TRDN: variants seen among roughly 807,000 people sequenced by gnomAD.
TRDN encodes triadin in skeletal muscle.
In TRDN, 161 loss-of-function variants were observed where a neutral mutation model predicts 149.7. That is an observed-to-expected ratio of 1.08 (90% CI 0.95 to 1.23). The LOEUF (loss-of-function observed/expected upper bound fraction) is 1.23. Among genes scored for constraint, TRDN ranks in the 50% most tolerant of loss-of-function variants. The probability of loss-of-function intolerance (pLI) is 0.00; values close to 1 mark genes in which losing one functional copy is unlikely to be tolerated. For synonymous variants in TRDN, 294 were observed against 250.5 expected, an observed-to-expected ratio of 1.17 and a Z score of -1.64; for missense variants, 896 against 823.5, an observed-to-expected ratio of 1.09 and a Z score of -1.08.
In TRDN at chr6:123,547,372, C is replaced by G; in HGVS notation, c.392G>C (p.Gly131Ala). 1 of 1,442,640 alleles carries G rather than the reference C, an allele frequency of 6.9e-7. No individual in the cohort carries two copies. 89.4% of individuals were successfully genotyped at this position (1,442,640 alleles called of 1,614,324 possible). The change falls in exon 4 of 41, where the codon GGA becomes GCA. Residue 131 changes from glycine (G) to alanine (A), a missense_variant and splice_region_variant. Physicochemically the swap from Gly to Ala is moderately conservative, Grantham distance 60. Coordinates refer to ENST00000334268, the MANE Select transcript of TRDN (RefSeq NM_006073.4). Reference sequence around the variant, plus strand: ...TCTCAAGGGAGGCTCATCTATTTCTCCTAGACCAAGATTAAAAGAAAAACA... The same window carrying G: ...TCTCAAGGGAGGCTCATCTATTTCTGCTAGACCAAGATTAAAAGAAAAACA... ...DDDGDEDTDKGEIDEPPLRKK... is the reference protein window; with the variant it reads ...DDDGDEDTDKAEIDEPPLRKK...
intron 1 of TRDN, among the ~76,000 whole-genome samples, chr6:123,601,835 A>G (rs1033280201): frequency 1.1e-4 from 16 of 152,282 alleles, no homozygotes; most frequent in African/African-American, 3.6e-4. Context: ...TTGTTACACA[A>G]TTCACATACA....
At chr6:123,490,274 T>C (rs138262605) in intron 9 of TRDN, among the ~76,000 whole-genome samples, 6 of 152,312 alleles carry the variant, frequency 3.9e-5, no homozygotes, top group Non-Finnish European at 8.8e-5. Context: ...TGAATAATGC[T>C]GAATTCTATG....
In TRDN at chr6:123,271,212, A is replaced by G. The variant is rs762749727; in HGVS notation, c.1673-26T>C. On this transcript the variant is annotated intron_variant, in intron 29 of 40. Transcript: ENST00000334268. The stretch of plus-strand genomic sequence containing the variant: ...CTGTGATAGGAAAAAATGTTAACAC[A>G]AGTAGGAAATTTGAATACATCAGTG... 20 of 1,494,784 alleles carry G rather than the reference A, an allele frequency of 1.3e-5. No homozygotes were observed. The East Asian group carries it at 4.7e-4, about 35-fold the overall frequency. The allele number at this position is 1,494,784 out of a possible 1,614,324, so 92.6% of individuals were successfully genotyped here.
intron 10 of TRDN, among the ~76,000 whole-genome samples, chr6:123,450,157 A>G (rs533018138): frequency 1.3e-5 from 2 of 152,296 alleles, no homozygotes; most frequent in Admixed American, 1.3e-4. Flanking sequence ...ACAAAAATAG[A>G]AGTTGAAAAG....
intron 21 of TRDN, among the ~76,000 whole-genome samples, chr6:123,341,148 T>G (rs1011411654): frequency 6.6e-6 from 1 of 151,916 alleles, no homozygotes; most frequent in Non-Finnish European, 1.5e-5. Flanking sequence ...TAAAATATTG[T>G]GTTTACAATT....
At chr6:123,244,180 C>T (rs1776092347) in intron 38 of TRDN, among the ~76,000 whole-genome samples, 1 of 151,886 alleles carries the variant, frequency 6.6e-6, no homozygotes, top group Non-Finnish European at 1.5e-5. Context: ...AACTAGAATG[C>T]CTCTTCTCCT....
chr6:123,281,281 T>C (rs1777576540), intron 24 of TRDN, among the ~76,000 whole-genome samples: 2 of 152,070 alleles, frequency 1.3e-5, no homozygotes, highest in South Asian at 4.1e-4. Context: ...CTTTTGTTAA[T>C]GTAAATAACC....
chr6:123,498,112 A>G (rs1240778656), intron 8 of TRDN: 2 of 163,248 alleles, frequency 1.2e-5, no homozygotes, highest in Non-Finnish European at 2.7e-5. Context: ...GCTTTAAAGC[A>G]TACATATTAT....
intron 1 of TRDN, among the ~76,000 whole-genome samples, chr6:123,609,933 G>A (rs1183411211): frequency 1.3e-5 from 2 of 152,098 alleles, no homozygotes; most frequent in Non-Finnish European, 2.9e-5. Flanking sequence ...GTGGATGGAT[G>A]ATATATAAGA....
At chr6:123,448,224 G>A (rs1775518257) in intron 10 of TRDN, among the ~76,000 whole-genome samples, 1 of 152,192 alleles carries the variant, frequency 6.6e-6, no homozygotes, top group African/African-American at 2.4e-5. Context: ...TGAATGGGGT[G>A]AGAAGCCTCC....
chr6:123,592,937 T>C (rs1387153350), intron 1 of TRDN, among the ~76,000 whole-genome samples: 4 of 152,228 alleles, frequency 2.6e-5, no homozygotes, highest in African/African-American at 9.6e-5. Flanking sequence ...CTTTCTTTTT[T>C]AATCTGATAA....
chr6:123,548,640 G>C, intron 2 of TRDN, 28 bp from the exon 3 acceptor site: 1 of 1,029,652 alleles, frequency 9.7e-7, no homozygotes, highest in East Asian at 3.2e-5. Flanking sequence ...AAAAAAAAAA[G>C]AAAAAGTTTG....
intron 6 of TRDN, among the ~76,000 whole-genome samples, chr6:123,515,397 T>C (rs1221946685): frequency 2.0e-5 from 3 of 151,944 alleles, no homozygotes; most frequent in Non-Finnish European, 4.4e-5. Flanking sequence ...AACTAGATTA[T>C]CAGGAAAAAA....
At chr6:123,446,713 G>A (rs1214538365) in intron 10 of TRDN, among the ~76,000 whole-genome samples, 1 of 151,872 alleles carries the variant, frequency 6.6e-6, no homozygotes, top group Non-Finnish European at 1.5e-5. Flanking sequence ...CTTTTTACTG[G>A]TATGAATTTT....
At chr6:123,541,680 A>T (rs915747466) in intron 4 of TRDN, among the ~76,000 whole-genome samples, 2 of 152,170 alleles carry the variant, frequency 1.3e-5, no homozygotes, top group African/African-American at 4.8e-5. Context: ...TTTAGAGGAG[A>T]CATCCAAAGA....
In TRDN at chr6:123,506,814, TTAA is replaced by T. The variant is rs543680926; in HGVS notation, c.611-2916_611-2914del. On this transcript the variant is annotated intron_variant, in intron 7 of 40. Coordinates refer to ENST00000334268, the MANE Select transcript of TRDN (RefSeq NM_006073.4). ...CAAAAAAATGGCTCTCCCATTTGAA[TTAA>T]TAATGTCTTCCCATGAGCTTCCATT... 5.3e-3 allele frequency among the ~76,000 whole-genome samples: 812 copies of T among 152,318 alleles called. 1 individual carries two copies. Among genetic ancestry groups the T allele is most frequent in the Middle Eastern group, 0.014 (4 of 294 alleles).
At chr6:123,616,426 C>T (rs1346666064) in intron 1 of TRDN, among the ~76,000 whole-genome samples, 1 of 151,382 alleles carries the variant, frequency 6.6e-6, no homozygotes, top group African/African-American at 2.4e-5. Context: ...TCTTTTAGTG[C>T]TTCATGCAGT....
chr6:123,377,865 C>T lies in TRDN; in HGVS notation c.1219+1G>A, dbSNP rs180929864. On this transcript the variant is annotated splice_donor_variant, in intron 17 of 40. Coordinates refer to ENST00000334268, the MANE Select transcript of TRDN (RefSeq NM_006073.4). LOFTEE classifies it high-confidence loss of function. ...GAACAGAGGAATTTAAAAACAGTTA[C>T]CTGGTTCCACATGTTTTTCTTTCTT... The T allele has an allele frequency of 1.3e-6, 2 of 1,562,848 alleles. No individual in the cohort carries two copies. The highest frequency in any genetic ancestry group is 1.7e-6 in the Non-Finnish European group (2 of 1,144,522).
rs568249248 is a variant in TRDN at position 123,311,791 on chromosome 6, T to A, written c.1510+4666A>T. Among the ~76,000 whole-genome samples the A allele has an allele frequency of 3.3e-5, 5 of 152,130 alleles. No individual in the cohort carries two copies. The South Asian group carries it at 1.0e-3, about 32-fold the overall frequency. On this transcript the variant is annotated intron_variant, in intron 24 of 40. Coordinates refer to ENST00000334268, the MANE Select transcript of TRDN (RefSeq NM_006073.4). ...AGCCATGAAAGCCATCAAGCTTGAATCAGAATGTTTCTGTTGGAGGAAACT... is the reference window on the plus strand; with the variant it reads ...AGCCATGAAAGCCATCAAGCTTGAAACAGAATGTTTCTGTTGGAGGAAACT...
Sources: gnomAD v4.1 joint callset for allele counts (sites outside exome capture counted in the v4.1 genomes callset) on GRCh38, gnomAD v4.1.1 for gene constraint, MANE v1.5 for transcripts, NCBI Gene and HGNC (gene_info 2026-07-23, HGNC 2026-07-21) for gene names.